ATP8B4: variants seen among roughly 807,000 people sequenced by gnomAD.
ATP8B4 encodes probable phospholipid-transporting ATPase IM.
A neutral mutation model predicts 145.6 loss-of-function variants in ATP8B4; 133 were observed. The ratio of observed to expected loss-of-function variants is 0.91; its 90% confidence interval spans 0.79 to 1.05. ATP8B4 has a LOEUF of 1.05. Among genes scored for constraint, ATP8B4 ranks in the 50% least tolerant of loss-of-function variants. ATP8B4 has a pLI of 0.00. For synonymous variants in ATP8B4, 507 were observed against 492.9 expected (o/e 1.03, Z -0.38); for missense variants, 1,458 against 1,425.2 (o/e 1.02, Z -0.37).
chr15:49,915,065 C>A (rs901855147), intron 20 of ATP8B4, among the ~76,000 whole-genome samples: 3 of 152,076 alleles, frequency 2.0e-5, no homozygotes, highest in African/African-American at 7.2e-5. Context: ...ACCCAAGTGT[C>A]CATAAATGGA....
In ATP8B4 at chr15:49,912,938, G is replaced by C. The variant is rs376875494; in HGVS notation, c.2141+3996C>G. On this transcript the variant is annotated intron_variant, in intron 20 of 27. Transcript: ENST00000284509. Reference sequence around the variant, plus strand: ...AGCACAGGAATATGAAACCAGCCTAGGAAACATGGCAAAACTCTCTCTCTA... The same window carrying C: ...AGCACAGGAATATGAAACCAGCCTACGAAACATGGCAAAACTCTCTCTCTA... Among the ~76,000 whole-genome samples the C allele has an allele frequency of 2.6e-5, 4 of 152,116 alleles. No individual in the cohort carries two copies. The South Asian group carries it at 6.2e-4, about 24-fold the overall frequency.
chr15:50,162,657 C>G (rs1567413866), intron 1 of ATP8B4, among the ~76,000 whole-genome samples: 2 of 152,146 alleles, frequency 1.3e-5, no homozygotes, highest in Non-Finnish European at 1.5e-5. Flanking sequence ...CAGGCGCCCG[C>G]CACCACGCCC....
intron 3 of ATP8B4, among the ~76,000 whole-genome samples, chr15:50,052,796 T>TG (rs1490649819): frequency 1.3e-5 from 2 of 152,172 alleles, no homozygotes; most frequent in African/African-American, 4.8e-5. Flanking sequence ...ACAGACTAGA[T>TG]GGAGTAGTTC....
chr15:49,906,380 A>G (rs1057186444), intron 20 of ATP8B4, among the ~76,000 whole-genome samples: 7 of 152,208 alleles, frequency 4.6e-5, no homozygotes, highest in South Asian at 4.1e-4. Context: ...ACAGCATACA[A>G]GTAGTTCACA....
At chr15:49,862,765 T>C (rs1175879530) in intron 26 of ATP8B4, among the ~76,000 whole-genome samples, 3 of 152,154 alleles carry the variant, frequency 2.0e-5, no homozygotes, top group African/African-American at 7.2e-5. Flanking sequence ...AAGATCTTTT[T>C]TCAATGGTGA....
chr15:50,049,236 A>G (rs558598770), intron 3 of ATP8B4, among the ~76,000 whole-genome samples: 1 of 152,312 alleles, frequency 6.6e-6, no homozygotes, highest in East Asian at 1.9e-4. Flanking sequence ...GAGCTGGGAC[A>G]TCCACTCTCC....
intron 7 of ATP8B4, among the ~76,000 whole-genome samples, chr15:50,005,309 A>G (rs916694286): frequency 2.0e-5 from 3 of 152,208 alleles, no homozygotes; most frequent in African/African-American, 7.2e-5. Context: ...TCAGAGCCAA[A>G]GACATTGTCC....
intron 2 of ATP8B4, among the ~76,000 whole-genome samples, chr15:50,084,663 T>C (rs1277724392): frequency 6.6e-6 from 1 of 152,118 alleles, no homozygotes; most frequent in African/African-American, 2.4e-5. Flanking sequence ...CTGAAAAAGG[T>C]CTTACAGGGC....
At chr15:50,028,145 A>G (rs1235207460) in intron 6 of ATP8B4, among the ~76,000 whole-genome samples, 3 of 152,052 alleles carry the variant, frequency 2.0e-5, no homozygotes, top group Non-Finnish European at 4.4e-5. Context: ...TTCTTTCCAT[A>G]TGTTGCTGAT....
chr15:50,084,072 G>A (rs556127746), intron 2 of ATP8B4, among the ~76,000 whole-genome samples: 6 of 152,266 alleles, frequency 3.9e-5, no homozygotes, highest in South Asian at 4.1e-4. Flanking sequence ...GGGAGCTTAC[G>A]TAGCCATATA....
At chr15:50,036,667 T>C (rs970057245) in intron 6 of ATP8B4, among the ~76,000 whole-genome samples, 3 of 152,230 alleles carry the variant, frequency 2.0e-5, no homozygotes, top group Non-Finnish European at 4.4e-5. Flanking sequence ...TTGCCCTCTC[T>C]GCAAGGACTT....
At chr15:50,163,410 T>A (rs761007122) in intron 1 of ATP8B4, among the ~76,000 whole-genome samples, 8 of 152,356 alleles carry the variant, frequency 5.3e-5, no homozygotes, top group Non-Finnish European at 1.2e-4. Flanking sequence ...GTGGTCTTGG[T>A]AAGATTTAGG....
intron 2 of ATP8B4, among the ~76,000 whole-genome samples, chr15:50,081,075 T>C (rs2054522267): frequency 6.8e-6 from 1 of 147,980 alleles, no homozygotes; most frequent in African/African-American, 2.5e-5. Context: ...ATCACGCCAC[T>C]GCACTCCAGC....
intron 1 of ATP8B4, among the ~76,000 whole-genome samples, chr15:50,146,928 C>T (rs1388531104): frequency 1.3e-5 from 2 of 152,208 alleles, no homozygotes; most frequent in Non-Finnish European, 2.9e-5. Flanking sequence ...GTGCACTCTT[C>T]CCAGTGCACA....
chr15:49,919,486 C>T (rs1007100062), intron 18 of ATP8B4, among the ~76,000 whole-genome samples: 2 of 152,078 alleles, frequency 1.3e-5, no homozygotes, highest in African/African-American at 2.4e-5. Context: ...GGCGCGATCT[C>T]GGCTCACTGC....
intron 1 of ATP8B4, among the ~76,000 whole-genome samples, chr15:50,116,341 G>A (rs529720763): frequency 2.6e-5 from 4 of 152,256 alleles, no homozygotes; most frequent in Non-Finnish European, 4.4e-5. Context: ...TTTGCCTTGG[G>A]ACACTGAGGG....
At chr15:50,174,704 A>C (rs550351141) in intron 1 of ATP8B4, among the ~76,000 whole-genome samples, 1 of 152,314 alleles carries the variant, frequency 6.6e-6, no homozygotes, top group Non-Finnish European at 1.5e-5. Context: ...CAATATTGTG[A>C]AAATGACCAT....
intron 2 of ATP8B4, among the ~76,000 whole-genome samples, chr15:50,101,321 A>G (rs2056338663): frequency 6.6e-6 from 1 of 152,108 alleles, no homozygotes; most frequent in Admixed American, 6.6e-5. Context: ...CATGATGTCT[A>G]CAACATTTGA....
At chr15:50,027,159 T>C (rs2050066390) in intron 6 of ATP8B4, among the ~76,000 whole-genome samples, 2 of 152,178 alleles carry the variant, frequency 1.3e-5, no homozygotes, top group Non-Finnish European at 2.9e-5. Flanking sequence ...TAGCCATCCC[T>C]ACCCCATATG....
Sources: gnomAD v4.1 joint callset for allele counts (sites outside exome capture counted in the v4.1 genomes callset) on GRCh38, gnomAD v4.1.1 for gene constraint, MANE v1.5 for transcripts, NCBI Gene and HGNC (gene_info 2026-07-23, HGNC 2026-07-21) for gene names.